SEPTIN12: variants seen among roughly 807,000 people sequenced by gnomAD.
SEPTIN12 encodes septin-12.
In SEPTIN12, 42 loss-of-function variants were observed where a neutral mutation model predicts 37.7. The ratio of observed to expected loss-of-function variants is 1.11; its 90% confidence interval spans 0.87 to 1.44. SEPTIN12 has a LOEUF of 1.44. SEPTIN12 is among the 40% of genes most tolerant of loss of function. The pLI is 0.00. For missense variants in SEPTIN12, 613 were observed against 479.2 expected, an observed-to-expected ratio of 1.28 and a Z score of -2.61; for synonymous variants, 254 against 196.7, an observed-to-expected ratio of 1.29 and a Z score of -2.44.
chr16:4,780,673 G>A (rs1267283889), intron 7 of SEPTIN12, among the ~76,000 whole-genome samples: 1 of 152,152 alleles, frequency 6.6e-6, no homozygotes, highest in Non-Finnish European at 1.5e-5. Context: ...CATCTGTGAT[G>A]GGGAGTAATG....
In SEPTIN12 at chr16:4,777,840, T is replaced by C. The variant is rs1465514827; in HGVS notation, c.1034A>G (p.Lys345Arg). The C allele has an allele frequency of 3.1e-6, 5 of 1,592,880 alleles. No homozygotes were observed. In the East Asian group the frequency reaches 9.1e-5, roughly 29 times the overall value. Residue 345 changes from lysine (K) to arginine (R), a missense_variant, in exon 10 of 10, where the codon AAG (lysine) becomes AGG (arginine). Transcript: ENST00000268231. ...ATCGTCATGGGCCCCCCTGCAGACC[T>C]TGAAGGTCCGGGGGGTGGTCAGCTG... ...PGQLTTPRTF[K>R]VCRGAHDDSD...
upstream of SEPTIN12, among the ~76,000 whole-genome samples, chr16:4,788,946 CTTTAAATAGGCCATG>C (rs1304435489): frequency 6.6e-6 from 1 of 152,216 alleles, no homozygotes; most frequent in Non-Finnish European, 1.5e-5. Context: ...GAGATGCCCT[CTTTAAATAGGCCATG>C]TGCTTTCCAG....
At chr16:4,784,150 G>A in intron 4 of SEPTIN12, 82 bp from the exon 5 acceptor site, 17 of 1,544,428 alleles carry the variant, frequency 1.1e-5, no homozygotes, top group Non-Finnish European at 1.5e-5. Flanking sequence ...CCTCTGGGCG[G>A]TCCTCCCTTG....
At chr16:4,778,294 A>G (rs529596307) in intron 8 of SEPTIN12, among the ~76,000 whole-genome samples, 157 bp from the exon 9 acceptor site, 53 of 152,182 alleles carry the variant, frequency 3.5e-4, no homozygotes, top group African/African-American at 1.2e-3. Flanking sequence ...TCATTCACCC[A>G]CTGTTGTGTT....
chr16:4,787,768 A>C (rs1596260563), intron 1 of SEPTIN12, 101 bp from the exon 2 acceptor site: 2 of 604,854 alleles, frequency 3.3e-6, no homozygotes, highest in Non-Finnish European at 5.8e-6. Context: ...CCGTTGGCCA[A>C]CCCCCTCCAC....
intron 2 of SEPTIN12, among the ~76,000 whole-genome samples, chr16:4,786,749 C>T (rs1261242497): frequency 2.6e-5 from 4 of 152,202 alleles, no homozygotes; most frequent in South Asian, 2.1e-4. Flanking sequence ...CAGGTTCAAA[C>T]GATCCTCCCA....
Position 4,786,097 on chromosome 16 carries a change from C to T in SEPTIN12, c.175G>A (p.Gly59Arg), listed in dbSNP as rs546773649. The T allele has an allele frequency of 2.6e-5, 41 of 1,606,026 alleles. 1 individual carries two copies. In the South Asian group the frequency reaches 3.2e-4, roughly 13 times the overall value. ...TTCACCATCGTGGACTTGCCCAGCC[C>T]GCTTTGCCCTGGGAGTGGCAACCGG... The part of the protein sequence containing the change: ...EFNIMVVGQS[G>R]LGKSTMVNTL... The change falls in exon 3 of 10, where the codon GGG (glycine) becomes AGG (arginine). Residue 59 changes from glycine to arginine, a missense_variant. By Grantham distance (125) the Gly-to-Arg change is moderately radical. Transcript: ENST00000268231.
intron 7 of SEPTIN12, among the ~76,000 whole-genome samples, chr16:4,782,802 G>C (rs551576802): frequency 6.6e-6 from 1 of 151,216 alleles, no homozygotes; most frequent in African/African-American, 2.4e-5. Context: ...ACGGGGTTTC[G>C]TCATGTTGGC....
chr16:4,781,354 G>C (rs933382218), intron 7 of SEPTIN12, among the ~76,000 whole-genome samples: 1 of 151,532 alleles, frequency 6.6e-6, no homozygotes, highest in Non-Finnish European at 1.5e-5. Flanking sequence ...TATTTGACCA[G>C]GGTTATGCAA....
At chr16:4,778,864 GC>G (rs2082342089) in intron 8 of SEPTIN12, among the ~76,000 whole-genome samples, 1 of 151,680 alleles carries the variant, frequency 6.6e-6, no homozygotes, top group South Asian at 2.1e-4. Flanking sequence ...ACCTGACCGG[GC>G]GCGGTGGCAC....
At chr16:4,781,699 C>T (rs2082373215) in intron 7 of SEPTIN12, among the ~76,000 whole-genome samples, 2 of 148,154 alleles carry the variant, frequency 1.3e-5, no homozygotes, top group Admixed American at 1.4e-4. Context: ...GGCTGGGGTG[C>T]AACGGTGTGA....
chr16:4,789,751 G>A (rs2082521447), upstream of SEPTIN12, among the ~76,000 whole-genome samples: 2 of 151,930 alleles, frequency 1.3e-5, no homozygotes, highest in African/African-American at 4.8e-5. Flanking sequence ...GAACCACCAT[G>A]CCCAGCCTGA....
chr16:4,784,411 C>CCTG, intron 4 of SEPTIN12: 1 of 287,552 alleles, frequency 3.5e-6, no homozygotes, highest in East Asian at 6.9e-5. Context: ...CTCCCTCCTC[C>CCTG]TCTTCGAGTC....
chr16:4,789,157 A>T (rs1057321000), upstream of SEPTIN12, among the ~76,000 whole-genome samples: 9 of 151,198 alleles, frequency 6.0e-5, no homozygotes, highest in African/African-American at 1.9e-4. Context: ...TAGCTGGATT[A>T]CCGGTGTGCA....
upstream of SEPTIN12, chr16:4,789,985 G>C (rs2082526683): frequency 6.6e-6 from 1 of 151,008 alleles, no homozygotes; most frequent in Non-Finnish European, 1.5e-5. Context: ...CACAATGACA[G>C]CTCACTGCAG....
rs116689557 is a variant in SEPTIN12, at chr16:4,787,709, A to G, written c.-22-42T>C. The G allele has an allele frequency of 1.6e-3, 1,292 of 819,444 alleles. 14 individuals carry two copies. The African/African-American group carries it at 0.02, about 12-fold the overall frequency. The allele number at this position is 819,444 out of a possible 1,614,324, so 50.8% of individuals were successfully genotyped here. ...GGGGAGAAGGGGGTCACTGGGGCTC[A>G]GAGGAGCCCACATTGACCTCTCCTA... is the stretch of plus-strand genomic sequence containing the variant. On this transcript the variant is annotated intron_variant, in intron 1 of 9. Transcript: ENST00000268231.
At chr16:4,783,822 A>C in intron 5 of SEPTIN12, 56 bp from the exon 6 acceptor site, 6 of 1,596,510 alleles carry the variant, frequency 3.8e-6, no homozygotes, top group Non-Finnish European at 5.1e-6. Flanking sequence ...TATAAACGAC[A>C]GCAGCAGGGC....
Position 4,779,777 on chromosome 16 carries a change from G to A in SEPTIN12, c.736C>T (p.Pro246Ser), listed in dbSNP as rs1314201905. ...TGGTCAGCCCCTACCACGGCAAAAGGGATTCGGTCCTGGGAAAGGAGAAGA... is the reference window on the plus strand; with the variant it reads ...TGGTCAGCCCCTACCACGGCAAAAGAGATTCGGTCCTGGGAAAGGAGAAGA... ...ILNSKLRDRI[P>S]FAVVGADQEH... is the part of the protein sequence containing the mutation. Residue 246 changes from proline (P) to serine (S), a missense_variant, in exon 8 of 10, where the codon CCT becomes TCT. By Grantham distance (74) the Pro-to-Ser change is moderately conservative. Coordinates refer to ENST00000268231, the MANE Select transcript of SEPTIN12 (RefSeq NM_144605.5). 6.2e-7 allele frequency: 1 copy of A among 1,611,130 alleles called. No individual in the cohort carries two copies. Among genetic ancestry groups the A allele is most frequent in the Admixed American group, 1.7e-5 (1 of 59,976 alleles).
chr16:4,786,984 C>T (rs1279437599), intron 2 of SEPTIN12, among the ~76,000 whole-genome samples: 7 of 152,092 alleles, frequency 4.6e-5, no homozygotes, highest in Admixed American at 6.6e-5. Context: ...AAGCAATTCT[C>T]CTGCCTTAGC....
Sources: gnomAD v4.1 joint callset for allele counts (sites outside exome capture counted in the v4.1 genomes callset) on GRCh38, gnomAD v4.1.1 for gene constraint, MANE v1.5 for transcripts, NCBI Gene and HGNC (gene_info 2026-07-23, HGNC 2026-07-21) for gene names.